Variants in ALS2CL observed in about 807,000 individuals in gnomAD.
The protein encoded by ALS2CL is ALS2 C-terminal like.
Under a neutral mutation model 127.9 loss-of-function variants are expected in ALS2CL, and 112 were observed. The observed-to-expected ratio is 0.88, with a 90% CI of 0.75 to 1.02. ALS2CL has a LOEUF of 1.02. Among genes scored for constraint, ALS2CL ranks in the 50% least tolerant of loss-of-function variants. The pLI is 0.00. For synonymous variants in ALS2CL, 519 were observed against 527.6 expected (o/e 0.98, Z 0.22); for missense variants, 1,174 against 1,236.7 (o/e 0.95, Z 0.76).
chr3:46,678,417 G>A (rs776883035), intron 15 of ALS2CL, 28 bp from the exon 16 acceptor site: 5 of 1,601,104 alleles, frequency 3.1e-6, no homozygotes, highest in Non-Finnish European at 4.3e-6. Context: ...GAGCAGGGAT[G>A]TCTGTCTGCC....
At chr3:46,687,758 C>T (rs1262649080) in intron 3 of ALS2CL, 74 bp from the exon 4 acceptor site, 1 of 1,452,916 alleles carries the variant, frequency 6.9e-7, no homozygotes, top group South Asian at 1.3e-5. Flanking sequence ...CCCTGGGATC[C>T]CCAGATCCCA....
chr3:46,692,689 G>A (rs1377797385), intron 1 of ALS2CL, among the ~76,000 whole-genome samples: 2 of 152,222 alleles, frequency 1.3e-5, no homozygotes, highest in South Asian at 4.1e-4. Flanking sequence ...CACGGGGTGC[G>A]GTGGGGTGGG....
At chr3:46,688,357 A>G in intron 2 of ALS2CL, 61 bp from the exon 3 acceptor site, 1 of 1,518,586 alleles carries the variant, frequency 6.6e-7, no homozygotes. Context: ...CCCAGGGAAC[A>G]TGCACAGGCC....
At chr3:46,675,330 T>G in intron 20 of ALS2CL, 2 of 380,990 alleles carry the variant, frequency 5.2e-6, no homozygotes, top group South Asian at 4.3e-5. Context: ...GAGAGGAGGG[T>G]GCCTCGGGGA....
rs370790622 is a variant in ALS2CL at position 46,689,483 on chromosome 3, T to C, written c.-25-18A>G. On this transcript the variant is annotated intron_variant, in intron 1 of 25. Coordinates refer to ENST00000318962, the MANE Select transcript of ALS2CL (RefSeq NM_147129.5). ...AGGGCCTCCTAGGTAGGGCACAGGT[T>C]ACAGCTAGATAGCACAGACAGGAGC... The C allele has an allele frequency of 3.3e-5, 50 of 1,508,398 alleles. No homozygotes were observed. The African/African-American group carries it at 6.2e-4, about 19-fold the overall frequency. 93.4% of individuals were successfully genotyped at this position (1,508,398 alleles called of 1,614,324 possible).
At chr3:46,678,498 T>C (rs1384230123) in intron 15 of ALS2CL, 109 bp from the exon 16 acceptor site, 10 of 1,392,148 alleles carry the variant, frequency 7.2e-6, no homozygotes, top group African/African-American at 5.7e-5. Context: ...TAAGGACTAA[T>C]GAATGGGCTT....
At chr3:46,693,009 G>A (rs1417818986) in intron 1 of ALS2CL, among the ~76,000 whole-genome samples, 1 of 152,122 alleles carries the variant, frequency 6.6e-6, no homozygotes, top group Non-Finnish European at 1.5e-5. Flanking sequence ...TCGTTGTCTG[G>A]TGCCCAGTGG....
At chr3:46,688,849 T>C (rs1699975954) in intron 2 of ALS2CL, among the ~76,000 whole-genome samples, 1 of 152,198 alleles carries the variant, frequency 6.6e-6, no homozygotes, top group South Asian at 2.1e-4. Flanking sequence ...TTTTTTACCC[T>C]GGGAAAGGAG....
intron 19 of ALS2CL, 168 bp downstream of exon 19, chr3:46,676,077 T>A: frequency 1.5e-6 from 2 of 1,359,794 alleles, no homozygotes; most frequent in South Asian, 3.0e-5. Flanking sequence ...TGCTCTCACC[T>A]CCCCACCCTC....
At chr3:46,676,568 T>C in intron 18 of ALS2CL, 74 bp downstream of exon 18, 2 of 1,567,052 alleles carry the variant, frequency 1.3e-6, no homozygotes, top group South Asian at 2.3e-5. Flanking sequence ...CACCCTGCTA[T>C]GAAAAATGGG....
At chr3:46,673,899 G>A (rs545814938) in intron 21 of ALS2CL, among the ~76,000 whole-genome samples, 19 of 152,334 alleles carry the variant, frequency 1.2e-4, no homozygotes, top group African/African-American at 4.6e-4. Context: ...TAACAAAGGA[G>A]ACCTGGATGT....
At position 46,681,302 on chromosome 3, in the gene ALS2CL, C is replaced by T. The variant is rs773363019; in HGVS notation, c.1380G>A (p.Thr460=). Residue 460 remains threonine, a synonymous_variant, in exon 13 of 26, where the codon ACG becomes ACA. Transcript: ENST00000318962. This position sits in a 1 kb window ranked among gnomAD's most constrained non-coding sequence, Gnocchi z 4.9. ...GPQAPQPFRY[T]GHWERGQRSG... is the part of the protein sequence containing the mutation. ...TCCTCTGGCCCCTCTCCCAGTGGCC[C>T]GTGTACCTGAAGGGCTGGGGGGCCT... The T allele has an allele frequency of 9.3e-6, 15 of 1,613,846 alleles. No individual in the cohort carries two copies. Among genetic ancestry groups the T allele is most frequent in the South Asian group, 5.5e-5 (5 of 91,074 alleles).
chr3:46,686,834 C>A lies in ALS2CL; in HGVS notation c.534+149G>T, dbSNP rs139744511. ...TGTCCCCTGAAAACCACAGGACAGGCCTGTGACTTCCTCAACCCTCTCCCA... is the reference window on the plus strand; with the variant it reads ...TGTCCCCTGAAAACCACAGGACAGGACTGTGACTTCCTCAACCCTCTCCCA... On this transcript the variant is annotated intron_variant, in intron 5 of 25. Transcript: ENST00000318962. The surrounding 1 kb of genome is among the most constrained non-coding windows in gnomAD (Gnocchi z 4.3). 8.7e-4 allele frequency: 866 copies of A among 996,906 alleles called. 3 individuals are homozygous for A. In the African/African-American group the frequency reaches 9.5e-3, roughly 11 times the overall value. 61.8% of individuals were successfully genotyped at this position (996,906 alleles called of 1,614,324 possible).
At position 46,683,982 on chromosome 3, in the gene ALS2CL, T is replaced by G. The variant is rs1210445461; in HGVS notation, c.845+7A>C. On this transcript the variant is annotated splice_region_variant and intron_variant, in intron 8 of 25. Coordinates refer to ENST00000318962, the MANE Select transcript of ALS2CL (RefSeq NM_147129.5). Reference sequence around the variant, plus strand: ...GGCCTGGGGTGTCAGCCGAGGGGGTTGCTCACCCGTCCTGCCCAGGATCCA... The same window carrying G: ...GGCCTGGGGTGTCAGCCGAGGGGGTGGCTCACCCGTCCTGCCCAGGATCCA... 1 of 1,594,776 alleles carries G rather than the reference T, an allele frequency of 6.3e-7. No homozygotes were observed. The highest frequency in any genetic ancestry group is 1.3e-5 in the African/African-American group (1 of 74,348).
At chr3:46,673,762 G>A (rs1034820950) in intron 21 of ALS2CL, among the ~76,000 whole-genome samples, 13 of 152,168 alleles carry the variant, frequency 8.5e-5, no homozygotes, top group Admixed American at 4.6e-4. Context: ...TGAGGGAGGC[G>A]GGGCATGCTT....
At chr3:46,675,933 G>A (rs1430622220) in intron 19 of ALS2CL, 30 of 1,426,726 alleles carry the variant, frequency 2.1e-5, no homozygotes, top group South Asian at 1.4e-4. Context: ...TCACAGCCCA[G>A]CCTGGGACTG....
At chr3:46,685,720 A>G in intron 6 of ALS2CL, 76 bp from the exon 7 acceptor site, 1 of 1,539,928 alleles carries the variant, frequency 6.5e-7, no homozygotes, top group Non-Finnish European at 8.8e-7. Context: ...GCCACCTCCC[A>G]ATGTACCCCA....
At chr3:46,678,942 T>C (rs528195686) in intron 15 of ALS2CL, among the ~76,000 whole-genome samples, 2 of 152,230 alleles carry the variant, frequency 1.3e-5, no homozygotes, top group South Asian at 4.1e-4. Context: ...AGGGCGTGTA[T>C]TCTGAACTAG....
intron 7 of ALS2CL, 138 bp downstream of exon 7, chr3:46,685,387 A>G (rs1439490217): frequency 7.1e-7 from 1 of 1,413,950 alleles, no homozygotes; most frequent in Non-Finnish European, 9.6e-7. Context: ...CCTCCCCAAC[A>G]CAACGCCTTT....
Sources: gnomAD v4.1 joint callset for allele counts (sites outside exome capture counted in the v4.1 genomes callset) on GRCh38, gnomAD v4.1.1 for gene constraint, Gnocchi (gnomAD v3.1) non-coding constraint, MANE v1.5 for transcripts, NCBI Gene and HGNC (gene_info 2026-07-23, HGNC 2026-07-21) for gene names.